The following ZDHHC20 variants were observed in gnomAD, a reference collection of about 807,000 sequenced individuals.
ZDHHC20 encodes palmitoyltransferase ZDHHC20.
Under a neutral mutation model 57.8 loss-of-function variants are expected in ZDHHC20, and 43 were observed. The ratio of observed to expected loss-of-function variants is 0.74; its 90% CI spans 0.58 to 0.96. The LOEUF (loss-of-function observed/expected upper bound fraction) is 0.96, where lower values mean the gene tolerates loss of function less well. ZDHHC20 is among the 40% of genes least tolerant of loss of function. The pLI is 0.00. For missense variants in ZDHHC20, 391 were observed against 441.1 expected (o/e 0.89, Z 1.02); for synonymous variants, 157 against 153.0 (o/e 1.03, Z -0.19).
intron 2 of ZDHHC20, among the ~76,000 whole-genome samples, chr13:21,423,381 G>A (rs1229420533): frequency 1.3e-5 from 2 of 152,154 alleles, no homozygotes; most frequent in African/African-American, 4.8e-5. Context: ...AATGGACTCA[G>A]TATCATTGCT....
At chr13:21,381,883 C>T in intron 10 of ZDHHC20, 1 of 555,606 alleles carries the variant, frequency 1.8e-6, no homozygotes, top group Non-Finnish European at 3.5e-6. Context: ...ATATCTGTGG[C>T]CAGTACAAAA....
chr13:21,454,755 A>G (rs1409379812), intron 1 of ZDHHC20, among the ~76,000 whole-genome samples: 3 of 152,236 alleles, frequency 2.0e-5, no homozygotes, highest in African/African-American at 4.8e-5. Context: ...TAAGTTATTT[A>G]TCTTAATCTG....
chr13:21,444,733 T>G (rs1883509540), intron 1 of ZDHHC20, among the ~76,000 whole-genome samples: 1 of 152,120 alleles, frequency 6.6e-6, no homozygotes, highest in South Asian at 2.1e-4. Context: ...CTGCTCTTGA[T>G]AGGTACTGTT....
intron 5 of ZDHHC20, among the ~76,000 whole-genome samples, chr13:21,402,562 A>T (rs1877843232): frequency 6.6e-6 from 1 of 152,246 alleles, no homozygotes; most frequent in South Asian, 2.1e-4. Context: ...CATAGACAGC[A>T]TAAAGTCCAA....
chr13:21,428,856 CAAAAACAAAACAAAA>C (rs1881592216), intron 1 of ZDHHC20, among the ~76,000 whole-genome samples: 1 of 151,308 alleles, frequency 6.6e-6, no homozygotes, highest in Non-Finnish European at 1.5e-5. Context: ...CACTCTGCCT[CAAAAACAAAACAAAA>C]TAAAACAAAA....
chr13:21,401,637 G>GT lies in ZDHHC20; in HGVS notation c.473+15dup, dbSNP rs767066862. 8 of 1,533,262 alleles carry GT rather than the reference G, an allele frequency of 5.2e-6. No homozygotes were observed. The Admixed American group carries it at 6.6e-5, about 13-fold the overall frequency. 95.0% of individuals were successfully genotyped at this position (1,533,262 alleles called of 1,614,324 possible). On this transcript the variant is annotated intron_variant, in intron 6 of 12. Coordinates refer to ENST00000400590, the MANE Select transcript of ZDHHC20 (RefSeq NM_001330059.2). ...TCTCACCACCAATGCAATTTCTTCT[G>GT]TTTTTTTATACATACCAAGGACAGT... is the stretch of plus-strand genomic sequence containing the variant.
At chr13:21,446,493 T>A (rs931987385) in intron 1 of ZDHHC20, among the ~76,000 whole-genome samples, 4 of 152,256 alleles carry the variant, frequency 2.6e-5, no homozygotes, top group Admixed American at 6.5e-5. Context: ...TAATTCTTCC[T>A]ATGATTCCAA....
At chr13:21,404,149 T>A (rs750194405) in intron 4 of ZDHHC20, among the ~76,000 whole-genome samples, 1 of 152,204 alleles carries the variant, frequency 6.6e-6, no homozygotes, top group Non-Finnish European at 1.5e-5. Context: ...TACTGGTATA[T>A]CCAGTGAAAC....
At chr13:21,387,464 A>G in intron 9 of ZDHHC20, 44 bp downstream of exon 9, 2 of 1,406,536 alleles carry the variant, frequency 1.4e-6, no homozygotes, top group Non-Finnish European at 1.9e-6. Context: ...AAAAGAGACT[A>G]CCACAGATGC....
At chr13:21,437,317 G>C (rs1448488623) in intron 1 of ZDHHC20, among the ~76,000 whole-genome samples, 1 of 152,230 alleles carries the variant, frequency 6.6e-6, no homozygotes, top group East Asian at 1.9e-4. Flanking sequence ...AGATCTAGCT[G>C]AGATAATTGA....
At chr13:21,377,158 A>G (rs1479643349) in intron 12 of ZDHHC20, 1 of 190,722 alleles carries the variant, frequency 5.2e-6, no homozygotes, top group African/African-American at 2.4e-5. Flanking sequence ...CAATCACCGT[A>G]TGCGGGACAC....
intron 1 of ZDHHC20, among the ~76,000 whole-genome samples, chr13:21,452,767 GAC>G (rs1337962032): frequency 6.6e-6 from 1 of 152,020 alleles, no homozygotes; most frequent in Non-Finnish European, 1.5e-5. Context: ...ATAACTCAAA[GAC>G]ACATGTTATA....
chr13:21,381,366 C>T, intron 11 of ZDHHC20, 68 bp downstream of exon 11: 3 of 1,183,074 alleles, frequency 2.5e-6, no homozygotes, highest in South Asian at 1.4e-5. Context: ...TTGATTTTTC[C>T]ACATGTATTA....
At chr13:21,434,173 C>T (rs969656127) in intron 1 of ZDHHC20, among the ~76,000 whole-genome samples, 6 of 151,884 alleles carry the variant, frequency 4.0e-5, no homozygotes, top group South Asian at 4.2e-4. Context: ...AAGTTGATAC[C>T]GATATTTCCA....
chr13:21,409,242 C>T (rs980673962), intron 4 of ZDHHC20, among the ~76,000 whole-genome samples: 1 of 152,130 alleles, frequency 6.6e-6, no homozygotes, highest in African/African-American at 2.4e-5. Flanking sequence ...TGGTCCTGGG[C>T]TTGTTTTGGT....
intron 2 of ZDHHC20, among the ~76,000 whole-genome samples, chr13:21,422,415 A>AAAT (rs1442692973): frequency 6.6e-6 from 1 of 152,110 alleles, no homozygotes; most frequent in East Asian, 1.9e-4. Flanking sequence ...TTTTCAAATA[A>AAAT]AATAATAATA....
intron 1 of ZDHHC20, among the ~76,000 whole-genome samples, chr13:21,440,382 G>A (rs972501922): frequency 1.4e-4 from 21 of 151,716 alleles, no homozygotes; most frequent in African/African-American, 3.4e-4. Flanking sequence ...AGGCCGAGGC[G>A]GGTGGATCAC....
intron 1 of ZDHHC20, among the ~76,000 whole-genome samples, chr13:21,437,320 A>G (rs1882656727): frequency 6.6e-6 from 1 of 152,250 alleles, no homozygotes; most frequent in African/African-American, 2.4e-5. Flanking sequence ...TCTAGCTGAG[A>G]TAATTGATGA....
intron 1 of ZDHHC20, among the ~76,000 whole-genome samples, chr13:21,437,936 C>G (rs1199827810): frequency 6.6e-6 from 1 of 152,164 alleles, no homozygotes; most frequent in African/African-American, 2.4e-5. Context: ...CGTGATCTGC[C>G]CGCCTCGGCC....
Sources: allele counts gnomAD v4.1 joint callset (sites outside exome capture counted in the v4.1 genomes callset), GRCh38; gene constraint gnomAD v4.1.1; transcripts MANE v1.5; gene names NCBI Gene and HGNC (gene_info 2026-07-23, HGNC 2026-07-21).